Variants in ARHGAP10 observed in about 807,000 individuals in gnomAD.
ARHGAP10 encodes Rho GTPase activating protein 10, also known as rho GTPase-activating protein 10.
A neutral mutation model predicts 108.6 loss-of-function variants in ARHGAP10; 87 were observed. The observed-to-expected ratio is 0.80, with a 90% confidence interval of 0.67 to 0.96. ARHGAP10 has a LOEUF of 0.96. Among genes scored for constraint, ARHGAP10 ranks in the 40% least tolerant of loss-of-function variants. The probability of loss-of-function intolerance (pLI) is 0.00; values close to 1 mark genes in which losing one functional copy is unlikely to be tolerated. For synonymous variants in ARHGAP10, 347 were observed against 341.1 expected, an observed-to-expected ratio of 1.02 and a Z score of -0.19; for missense variants, 939 against 954.5, an observed-to-expected ratio of 0.98 and a Z score of 0.21.
At chr4:148,021,235 C>G (rs910712711) in intron 18 of ARHGAP10, among the ~76,000 whole-genome samples, 3 of 152,100 alleles carry the variant, frequency 2.0e-5, no homozygotes, top group East Asian at 1.9e-4. Context: ...TAGTCTGGCT[C>G]TGCAGTTTGG....
intron 18 of ARHGAP10, among the ~76,000 whole-genome samples, chr4:148,017,219 C>A (rs1056871559): frequency 3.3e-5 from 5 of 152,106 alleles, no homozygotes; most frequent in African/African-American, 1.2e-4. Context: ...CTCTGTGCAG[C>A]ATTCCCTCCT....
rs146504736 is a variant in ARHGAP10 at position 148,014,496 on chromosome 4, C to T, written c.1717-8767C>T. Among the ~76,000 whole-genome samples, 365 of 152,294 alleles carry T rather than the reference C, an allele frequency of 2.4e-3. 4 individuals are homozygous for T. The highest frequency in any genetic ancestry group is 7.7e-3 in the African/African-American group (319 of 41,556). On this transcript the variant is annotated intron_variant, in intron 18 of 22. Transcript: ENST00000336498. ...CTTTGGCTTAATCAGGAGAGGTTCA[C>T]CTGATATAGATGGGGAGAAAGTTTA...
At chr4:147,875,577 C>T (rs1388937280) in intron 8 of ARHGAP10, among the ~76,000 whole-genome samples, 1 of 152,168 alleles carries the variant, frequency 6.6e-6, no homozygotes, top group East Asian at 1.9e-4. Context: ...ACGTCCTCTC[C>T]CTCCCATAAC....
chr4:148,058,055 C>T (rs1412521627), intron 20 of ARHGAP10, among the ~76,000 whole-genome samples: 1 of 152,226 alleles, frequency 6.6e-6, no homozygotes, highest in African/African-American at 2.4e-5. Context: ...GTGTGGAGTT[C>T]TCCCTCTCCT....
At chr4:147,873,679 A>ACACACAC (rs1194292185) in intron 7 of ARHGAP10, among the ~76,000 whole-genome samples, 1 of 15,798 alleles carries the variant, frequency 6.3e-5, no homozygotes, top group East Asian at 2.0e-3. Context: ...AACAAAAAAC[A>ACACACAC]AAACACACAC....
chr4:147,904,675 A>G (rs1411144334), intron 10 of ARHGAP10, among the ~76,000 whole-genome samples: 1 of 152,214 alleles, frequency 6.6e-6, no homozygotes. Flanking sequence ...TATTGTGAAT[A>G]GTGCCACAAT....
At chr4:147,873,923 G>A (rs192598811) in intron 7 of ARHGAP10, among the ~76,000 whole-genome samples, 24 of 151,398 alleles carry the variant, frequency 1.6e-4, no homozygotes, top group Admixed American at 3.9e-4. Flanking sequence ...AATGGAAGGC[G>A]AGAGGGAACC....
At chr4:147,842,574 C>T (rs1362286091) in intron 3 of ARHGAP10, among the ~76,000 whole-genome samples, 1 of 152,164 alleles carries the variant, frequency 6.6e-6, no homozygotes, top group Non-Finnish European at 1.5e-5. Flanking sequence ...TTTAGTGACA[C>T]CGAGCTGCTT....
intron 19 of ARHGAP10, among the ~76,000 whole-genome samples, chr4:148,045,761 A>G (rs1025495675): frequency 6.6e-6 from 1 of 151,646 alleles, no homozygotes; most frequent in Non-Finnish European, 1.5e-5. Flanking sequence ...AAAAAAAAAA[A>G]AAAAGAAATC....
intron 1 of ARHGAP10, among the ~76,000 whole-genome samples, chr4:147,770,393 T>C (rs1361572971): frequency 1.3e-5 from 2 of 152,076 alleles, no homozygotes; most frequent in Non-Finnish European, 2.9e-5. Flanking sequence ...GGCATGGTGG[T>C]GGGCGCCTGT....
At chr4:147,915,764 G>T (rs1026611779) in intron 13 of ARHGAP10, among the ~76,000 whole-genome samples, 2 of 152,082 alleles carry the variant, frequency 1.3e-5, no homozygotes, top group Non-Finnish European at 2.9e-5. Context: ...TGGAGTAATA[G>T]ACTAAAAATA....
chr4:147,840,990 C>T (rs1240954893), intron 3 of ARHGAP10, among the ~76,000 whole-genome samples: 2 of 152,254 alleles, frequency 1.3e-5, no homozygotes, highest in African/African-American at 2.4e-5. Context: ...CCTGACCTAC[C>T]TTGCTTCCTC....
At chr4:148,015,300 A>G (rs78348867) in intron 18 of ARHGAP10, among the ~76,000 whole-genome samples, 2,059 of 152,346 alleles carry the variant, frequency 0.014, 58 homozygotes, top group African/African-American at 0.046. Context: ...GATAGGAAGT[A>G]GCAGTTGGCT....
intron 1 of ARHGAP10, among the ~76,000 whole-genome samples, chr4:147,778,364 C>A (rs529157529): frequency 6.6e-6 from 1 of 152,274 alleles, no homozygotes; most frequent in African/African-American, 2.4e-5. Flanking sequence ...CAGTGTGCTA[C>A]AACTCTTTAA....
chr4:147,849,129 C>G (rs1437964819), intron 4 of ARHGAP10, among the ~76,000 whole-genome samples: 1 of 151,922 alleles, frequency 6.6e-6, no homozygotes, highest in Non-Finnish European at 1.5e-5. Flanking sequence ...GTTTTGTGTA[C>G]CATAATAAAC....
intron 1 of ARHGAP10, among the ~76,000 whole-genome samples, chr4:147,807,276 C>T (rs1393456636): frequency 6.6e-6 from 1 of 152,010 alleles, no homozygotes; most frequent in African/African-American, 2.4e-5. Context: ...TCCTGCATAA[C>T]AGTAGATGCT....
At chr4:148,068,303 T>C (rs1729992787) in intron 22 of ARHGAP10, among the ~76,000 whole-genome samples, 1 of 152,144 alleles carries the variant, frequency 6.6e-6, no homozygotes, top group Admixed American at 6.5e-5. Flanking sequence ...CATCCACATG[T>C]AGATGTGGGG....
chr4:147,989,583 A>T lies in ARHGAP10; in HGVS notation c.1716+22744A>T, dbSNP rs574307901. Among the ~76,000 whole-genome samples, 47 of 152,270 alleles carry T rather than the reference A, an allele frequency of 3.1e-4. No homozygotes were observed. The East Asian group carries it at 8.7e-3, about 28-fold the overall frequency. ...CCATGCTGAGAAAAAGAATTCAGCG[A>T]TATTTCTCCCATTTGCTTTTGAAAG... is the stretch of plus-strand genomic sequence containing the variant. On this transcript the variant is annotated intron_variant, in intron 18 of 22. Transcript: ENST00000336498.
intron 4 of ARHGAP10, among the ~76,000 whole-genome samples, chr4:147,856,460 T>C (rs989069617): frequency 1.3e-5 from 2 of 152,238 alleles, no homozygotes; most frequent in Admixed American, 6.5e-5. Flanking sequence ...TGAAATCCGA[T>C]ATGCTCCAAA....
Sources: gnomAD v4.1 joint callset for allele counts (sites outside exome capture counted in the v4.1 genomes callset) on GRCh38, gnomAD v4.1.1 for gene constraint, MANE v1.5 for transcripts, NCBI Gene and HGNC (gene_info 2026-07-23, HGNC 2026-07-21) for gene names.